Variants in SRPK1 observed in about 807,000 individuals in gnomAD.
SRPK1 encodes the protein SRSF protein kinase 1, also known as SFRS protein kinase 1.
Under a neutral mutation model 89.5 loss-of-function variants are expected in SRPK1, and 52 were observed. That is an observed-to-expected ratio of 0.58 (90% confidence interval 0.46 to 0.73). SRPK1 has a LOEUF of 0.73. SRPK1 is among the 30% of genes least tolerant of loss of function. SRPK1 has a pLI of 0.00. For missense variants in SRPK1, 603 were observed against 780.6 expected, an observed-to-expected ratio of 0.77 and a Z score of 2.71; for synonymous variants, 255 against 270.2, an observed-to-expected ratio of 0.94 and a Z score of 0.55.
intron 13 of SRPK1, among the ~76,000 whole-genome samples, chr6:35,844,874 A>G (rs1335511880): frequency 6.6e-6 from 1 of 152,162 alleles, no homozygotes; most frequent in Non-Finnish European, 1.5e-5. Flanking sequence ...AAAGTTAAAA[A>G]AAACAAAAAA....
At chr6:35,881,953 T>C (rs900498867) in intron 6 of SRPK1, among the ~76,000 whole-genome samples, 2 of 151,964 alleles carry the variant, frequency 1.3e-5, no homozygotes, top group South Asian at 4.1e-4. Flanking sequence ...TGAAAAGTTA[T>C]GAAGATGGAT....
chr6:35,873,760 G>A (rs978975808), intron 7 of SRPK1, among the ~76,000 whole-genome samples: 4 of 151,780 alleles, frequency 2.6e-5, no homozygotes, highest in Non-Finnish European at 5.9e-5. Flanking sequence ...AAAGTGCTGG[G>A]ATTACAGGCG....
chr6:35,882,118 C>CTAGTAGTAGTAG lies in SRPK1; in HGVS notation c.478+4594_478+4605dup, dbSNP rs59881690. 4.1e-3 allele frequency among the ~76,000 whole-genome samples: 571 copies of CTAGTAGTAGTAG among 140,164 alleles called. 5 individuals carry two copies. The highest frequency in any genetic ancestry group is 0.013 in the South Asian group (57 of 4,318). 92.0% of individuals were successfully genotyped at this position (140,164 alleles called of 152,430 possible). On this transcript the variant is annotated intron_variant, in intron 6 of 15. Transcript: ENST00000373825. Reference sequence around the variant, plus strand: ...AGTAGTAGCAATAGTAGTAGTAGTACTAGTAGTAGTAGTAGTAGTAGTAGT... The same window carrying CTAGTAGTAGTAG: ...AGTAGTAGCAATAGTAGTAGTAGTACTAGTAGTAGTAGTAGTAGTAGTAGTAGTAGTAGTAGT...
chr6:35,898,256 G>A (rs148508536), intron 2 of SRPK1, among the ~76,000 whole-genome samples: 88 of 152,272 alleles, frequency 5.8e-4, no homozygotes, highest in Middle Eastern at 3.4e-3. Flanking sequence ...TATTCTAAGC[G>A]AAGTAAATCA....
chr6:35,881,056 A>G (rs1770277806), intron 6 of SRPK1, among the ~76,000 whole-genome samples: 1 of 152,094 alleles, frequency 6.6e-6, no homozygotes, highest in South Asian at 2.1e-4. Flanking sequence ...TTGAAATACT[A>G]AAAGAAAAAT....
intron 13 of SRPK1, 121 bp from the exon 14 acceptor site, chr6:35,842,725 TTAAA>T: frequency 4.8e-6 from 2 of 417,830 alleles, no homozygotes; most frequent in African/African-American, 2.5e-5. Flanking sequence ...TATAGATCAT[TTAAA>T]AAAAAAAAAA....
intron 15 of SRPK1, 29 bp downstream of exon 15, chr6:35,838,308 C>A: frequency 6.8e-7 from 1 of 1,472,102 alleles, no homozygotes; most frequent in Non-Finnish European, 9.1e-7. Context: ...CTTCTGCCTC[C>A]TTAATGTCTG....
chr6:35,835,562 C>A, intron 15 of SRPK1, 74 bp from the exon 16 acceptor site: 1 of 1,368,098 alleles, frequency 7.3e-7, no homozygotes. Context: ...TGGAAACCCA[C>A]AAACTAACCC....
intron 12 of SRPK1, among the ~76,000 whole-genome samples, chr6:35,858,646 A>G (rs1266905096): frequency 6.6e-6 from 1 of 152,230 alleles, no homozygotes; most frequent in Non-Finnish European, 1.5e-5. Flanking sequence ...AAAGACTATC[A>G]GATGTGCAAA....
At chr6:35,875,184 A>G (rs1390104971) in intron 6 of SRPK1, among the ~76,000 whole-genome samples, 2 of 152,212 alleles carry the variant, frequency 1.3e-5, no homozygotes, top group East Asian at 3.8e-4. Flanking sequence ...TGTTCTAACA[A>G]ATAAAAGAAC....
chr6:35,866,101 A>T (rs1220951032), intron 12 of SRPK1, among the ~76,000 whole-genome samples: 4 of 152,216 alleles, frequency 2.6e-5, no homozygotes, highest in African/African-American at 9.6e-5. Flanking sequence ...GCCAACAAAT[A>T]AATGAAAAAA....
chr6:35,870,620 A>C, intron 9 of SRPK1, 126 bp from the exon 10 acceptor site: 1 of 876,380 alleles, frequency 1.1e-6, no homozygotes, highest in East Asian at 2.7e-5. Flanking sequence ...CATAGCACTT[A>C]AGTCTTTCAT....
Position 35,862,328 on chromosome 6 carries a change from G to T in SRPK1, c.1513-4960C>A, listed in dbSNP as rs530584948. On this transcript the variant is annotated intron_variant, in intron 12 of 15. Coordinates refer to ENST00000373825, the MANE Select transcript of SRPK1 (RefSeq NM_003137.5). Reference sequence around the variant, plus strand: ...CAGGGTCCAAAGACTGGCTCAGCTGGCATCCAAGTCCCCAGCAAAACCTCA... The same window carrying T: ...CAGGGTCCAAAGACTGGCTCAGCTGTCATCCAAGTCCCCAGCAAAACCTCA... Among the ~76,000 whole-genome samples the T allele has an allele frequency of 2.6e-5, 4 of 152,124 alleles. No homozygotes were observed. In the East Asian group the frequency reaches 7.7e-4, roughly 29 times the overall value.
chr6:35,901,728 A>G (rs1770743253), intron 2 of SRPK1, among the ~76,000 whole-genome samples: 1 of 152,188 alleles, frequency 6.6e-6, no homozygotes, highest in Non-Finnish European at 1.5e-5. Context: ...ACCTACACAC[A>G]ATGGAACTCA....
At chr6:35,860,913 A>C (rs1226484921) in intron 12 of SRPK1, among the ~76,000 whole-genome samples, 1 of 152,144 alleles carries the variant, frequency 6.6e-6, no homozygotes, top group African/African-American at 2.4e-5. Flanking sequence ...AAGAAATTGA[A>C]GGAGTTGTAC....
chr6:35,855,171 G>A lies in SRPK1; in HGVS notation c.1620+2090C>T, dbSNP rs147211859. Among the ~76,000 whole-genome samples, 266 of 152,084 alleles carry A rather than the reference G, an allele frequency of 1.7e-3. 6 individuals are homozygous for A. In the South Asian group the frequency reaches 0.026, roughly 15 times the overall value. ...AAAAAAATTAGCCAGGCATGGTGGC[G>A]GCCACCTGTAGTCCCAGATACTTGG... is the stretch of plus-strand genomic sequence containing the variant. On this transcript the variant is annotated intron_variant, in intron 13 of 15. Transcript: ENST00000373825.
chr6:35,920,415 A>G (rs1344115008), intron 2 of SRPK1, 53 bp downstream of exon 2: 2 of 1,597,056 alleles, frequency 1.3e-6, no homozygotes, highest in Non-Finnish European at 1.7e-6. Flanking sequence ...ACCAGAGCAG[A>G]GAAGGTGCCG....
intron 6 of SRPK1, among the ~76,000 whole-genome samples, chr6:35,877,800 A>ACCACTGCACT (rs902732759): frequency 1.3e-5 from 2 of 151,470 alleles, no homozygotes; most frequent in Non-Finnish European, 2.9e-5. Context: ...CAACCACTGC[A>ACCACTGCACT]CCACTGCACT....
intron 12 of SRPK1, among the ~76,000 whole-genome samples, chr6:35,866,393 G>T (rs1387675091): frequency 6.6e-6 from 1 of 152,086 alleles, no homozygotes; most frequent in African/African-American, 2.4e-5. Flanking sequence ...AGACCATCCT[G>T]GCCAACATGG....
Sources: gnomAD v4.1 joint callset for allele counts (sites outside exome capture counted in the v4.1 genomes callset) on GRCh38, gnomAD v4.1.1 for gene constraint, MANE v1.5 for transcripts, NCBI Gene and HGNC (gene_info 2026-07-23, HGNC 2026-07-21) for gene names.